Variants in GRID2 observed in about 807,000 individuals in gnomAD.
GRID2 encodes the protein glutamate receptor ionotropic, delta-2.
GRID2 carries 33 observed loss-of-function variants against 114.8 expected under a neutral mutation model. That is an observed-to-expected ratio of 0.29 (90% CI 0.22 to 0.38). The LOEUF is 0.38. Ranked by LOEUF, GRID2 falls within the 10% of genes least tolerant of loss-of-function variation. The pLI is 1.00. For synonymous variants in GRID2, 505 were observed against 449.9 expected (o/e 1.12, Z -1.55); for missense variants, 1,184 against 1,257.7 (o/e 0.94, Z 0.89).
chr4:93,606,741 G>A (rs770519821), intron 13 of GRID2, among the ~76,000 whole-genome samples: 9 of 152,072 alleles, frequency 5.9e-5, no homozygotes, highest in Non-Finnish European at 1.0e-4. Flanking sequence ...CTCCTGGCCT[G>A]ACTAGGAATA....
intron 1 of GRID2, among the ~76,000 whole-genome samples, chr4:92,501,810 A>T (rs1374830910): frequency 6.6e-6 from 1 of 152,172 alleles, no homozygotes; most frequent in Admixed American, 6.6e-5. Context: ...TTAAAATTAT[A>T]TTCCAACCAA....
chr4:92,747,476 C>A (rs746007252), intron 2 of GRID2, among the ~76,000 whole-genome samples: 1 of 152,054 alleles, frequency 6.6e-6, no homozygotes, highest in African/African-American at 2.4e-5. Context: ...GACTCTCCTA[C>A]GCTCAAGGCA....
At chr4:92,602,435 A>T (rs1211673531) in intron 2 of GRID2, among the ~76,000 whole-genome samples, 1 of 152,168 alleles carries the variant, frequency 6.6e-6, no homozygotes, top group Admixed American at 6.5e-5. Flanking sequence ...TTACATAAAC[A>T]GAACTAAAGA....
chr4:92,740,719 G>T (rs1736844437), intron 2 of GRID2, among the ~76,000 whole-genome samples: 1 of 145,682 alleles, frequency 6.9e-6, no homozygotes, highest in Non-Finnish European at 1.5e-5. Context: ...TAGATAGATA[G>T]ATAGATAGAT....
At chr4:92,851,086 AATCT>A (rs1190774944) in intron 2 of GRID2, among the ~76,000 whole-genome samples, 1 of 151,966 alleles carries the variant, frequency 6.6e-6, no homozygotes, top group Non-Finnish European at 1.5e-5. Context: ...GCAGCTTATT[AATCT>A]ATTGTTTCAA....
intron 2 of GRID2, among the ~76,000 whole-genome samples, chr4:92,761,507 A>G (rs545227363): frequency 6.0e-4 from 92 of 152,270 alleles, no homozygotes; most frequent in Non-Finnish European, 1.0e-3. Context: ...CCATGGCCTC[A>G]TGGGTTATTT....
intron 1 of GRID2, among the ~76,000 whole-genome samples, chr4:93,781,789 A>G (rs560987417): frequency 5.9e-5 from 9 of 152,302 alleles, no homozygotes; most frequent in African/African-American, 2.2e-4. Context: ...TGTTTAGTAC[A>G]GAGTGTTTTT....
chr4:92,802,060 T>C (rs769593777), intron 2 of GRID2, among the ~76,000 whole-genome samples: 28 of 151,944 alleles, frequency 1.8e-4, no homozygotes, highest in Non-Finnish European at 3.8e-4. Flanking sequence ...TGCTGTTAAT[T>C]ATGCCAATGT....
Position 92,642,010 on chromosome 4 carries a change from AT to A in GRID2, c.244+51728del, listed in dbSNP as rs377403141. 8.8e-4 allele frequency among the ~76,000 whole-genome samples: 133 copies of A among 150,728 alleles called. 1 individual carries two copies. Among genetic ancestry groups the A allele is most frequent in the African/African-American group, 3.1e-3 (126 of 41,068 alleles). On this transcript the variant is annotated intron_variant, in intron 2 of 15. Coordinates refer to ENST00000282020, the MANE Select transcript of GRID2 (RefSeq NM_001510.4). ...GTATTAGATGTTGTATATGTACCAC[AT>A]TTTCTTTATCCAATCTACCATTGAT...
intron 2 of GRID2, among the ~76,000 whole-genome samples, chr4:92,819,633 AT>A (rs896975762): frequency 4.0e-5 from 6 of 151,886 alleles, no homozygotes; most frequent in African/African-American, 1.2e-4. Flanking sequence ...TTTAAAAAAA[AT>A]AAATTTGAAA....
At chr4:92,682,756 T>C (rs1035555671) in intron 2 of GRID2, among the ~76,000 whole-genome samples, 2 of 151,790 alleles carry the variant, frequency 1.3e-5, no homozygotes, top group Non-Finnish European at 2.9e-5. Context: ...ATAGCCGATA[T>C]GTTGCATATG....
intron 1 of GRID2, among the ~76,000 whole-genome samples, chr4:92,551,920 T>C (rs1257104854): frequency 6.6e-6 from 1 of 151,586 alleles, no homozygotes; most frequent in African/African-American, 2.4e-5. Flanking sequence ...TAGAAAGGAA[T>C]AGAGAAAAAA....
At chr4:93,424,259 A>G (rs1026831172) in intron 10 of GRID2, among the ~76,000 whole-genome samples, 3 of 151,894 alleles carry the variant, frequency 2.0e-5, no homozygotes, top group East Asian at 1.9e-4. Context: ...TCACTTATCT[A>G]CCGTGTCTGG....
chr4:93,291,169 G>A (rs918193452), intron 8 of GRID2, among the ~76,000 whole-genome samples: 1 of 151,558 alleles, frequency 6.6e-6, no homozygotes, highest in Admixed American at 6.6e-5. Context: ...CACCGTGCCC[G>A]GCCGGCATAC....
intron 2 of GRID2, among the ~76,000 whole-genome samples, chr4:92,677,306 T>G (rs1396351165): frequency 6.6e-6 from 1 of 152,022 alleles, no homozygotes; most frequent in African/African-American, 2.4e-5. Flanking sequence ...AAAAAGAGAT[T>G]AAAAAATAAT....
At chr4:93,517,978 C>CATGTATGTATATACATACATGTAT (rs1407572041) in intron 13 of GRID2, among the ~76,000 whole-genome samples, 2 of 42,542 alleles carry the variant, frequency 4.7e-5, no homozygotes, top group Non-Finnish European at 9.4e-5. Flanking sequence ...CATACATGTA[C>CATGTATGTATATACATACATGTAT]ATGTATGTAT....
intron 2 of GRID2, among the ~76,000 whole-genome samples, chr4:92,828,376 T>C (rs1357013625): frequency 6.6e-6 from 1 of 152,082 alleles, no homozygotes; most frequent in African/African-American, 2.4e-5. Context: ...ATAGTTTTAA[T>C]TGGATTAGGT....
intron 4 of GRID2, 106 bp downstream of exon 4, chr4:93,111,059 T>C (rs1579017811): frequency 1.4e-6 from 1 of 710,306 alleles, no homozygotes; most frequent in Non-Finnish European, 2.5e-6. Flanking sequence ...GGGAATTAAC[T>C]ACACAATTCT....
intron 2 of GRID2, chr4:92,702,748 A>AT (rs1180386320): frequency 2.0e-5 from 3 of 151,842 alleles, no homozygotes; most frequent in African/African-American, 2.4e-5. Flanking sequence ...CTGTGAATTT[A>AT]TTTTTTTAAT....
Sources: gnomAD v4.1 joint callset for allele counts (sites outside exome capture counted in the v4.1 genomes callset) on GRCh38, gnomAD v4.1.1 for gene constraint, MANE v1.5 for transcripts, NCBI Gene and HGNC (gene_info 2026-07-23, HGNC 2026-07-21) for gene names.